The following MIGA2 variants were observed in gnomAD, a reference collection of about 807,000 sequenced individuals.
The protein encoded by MIGA2 is family with sequence similarity 73, member B.
Under a neutral mutation model 69.9 loss-of-function variants are expected in MIGA2, and 36 were observed. The ratio of observed to expected loss-of-function variants is 0.52; its 90% CI spans 0.39 to 0.68. The LOEUF (loss-of-function observed/expected upper bound fraction) is 0.68, where lower values mean the gene tolerates loss of function less well. Ranked by LOEUF, MIGA2 falls within the 30% of genes least tolerant of loss-of-function variation. The pLI is 0.00. For missense variants in MIGA2, 660 were observed against 787.7 expected (o/e 0.84, Z 1.94); for synonymous variants, 333 against 349.2 (o/e 0.95, Z 0.52).
chr9:129,043,683 G>A (rs1370853754), intron 3 of MIGA2, among the ~76,000 whole-genome samples: 3 of 151,682 alleles, frequency 2.0e-5, no homozygotes, highest in African/African-American at 2.4e-5. Context: ...CACCGCACCC[G>A]GCCCCGGCCA....
At chr9:129,067,652 C>T (rs1564620705) in intron 11 of MIGA2, 121 bp from the exon 12 acceptor site, 1 of 838,774 alleles carries the variant, frequency 1.2e-6, no homozygotes, top group Non-Finnish European at 1.9e-6. Context: ...GCCACGTTTT[C>T]TCTGTGCCTG....
chr9:129,063,158 C>G, intron 9 of MIGA2, 86 bp from the exon 10 acceptor site: 1 of 1,403,488 alleles, frequency 7.1e-7, no homozygotes, highest in South Asian at 1.2e-5. Flanking sequence ...CAGAGCCTCC[C>G]CCCTCCCCAC....
chr9:129,048,052 G>A (rs188901729), intron 3 of MIGA2, among the ~76,000 whole-genome samples: 237 of 152,280 alleles, frequency 1.6e-3, no homozygotes, highest in African/African-American at 5.4e-3. Flanking sequence ...TTTAAAAGTT[G>A]TCGTCTCACA....
rs750998216 is a variant in MIGA2, at chr9:129,068,131, C to T, written c.1270-67C>T. The T allele has an allele frequency of 2.5e-6, 4 of 1,609,826 alleles. No individual in the cohort carries two copies. The highest frequency in any genetic ancestry group is 3.3e-5 in the Admixed American group (2 of 59,956). On this transcript the variant is annotated intron_variant, in intron 12 of 15. Coordinates refer to ENST00000684074, the MANE Select transcript of MIGA2 (RefSeq NM_001329990.2). The surrounding 1 kb of genome is among the most constrained non-coding windows in gnomAD (Gnocchi z 4.1). ...TGGACCCCAGCTTCAGTCTCCCCAT[C>T]TGGAAAGTGGCCCCGAGGCTCCGGC...
chr9:129,060,356 C>G lies in MIGA2; in HGVS notation c.794-194C>G. 3.7e-6 allele frequency: 2 copies of G among 534,118 alleles called. No homozygotes were observed. The highest frequency in any genetic ancestry group is 6.6e-5 in the East Asian group (2 of 30,470). The allele number at this position is 534,118 out of a possible 1,614,324, so 33.1% of individuals were successfully genotyped here. Reference sequence around the variant, plus strand: ...GGATGTCGTGGGTGTTGAAGGAGGTCACTCACTGAGGCGAGGAGTCCAGCG... The same window carrying G: ...GGATGTCGTGGGTGTTGAAGGAGGTGACTCACTGAGGCGAGGAGTCCAGCG... On this transcript the variant is annotated intron_variant, in intron 7 of 15. Transcript: ENST00000684074. The surrounding 1 kb of genome is among the most constrained non-coding windows in gnomAD (Gnocchi z 4.8).
At chr9:129,039,527 A>G (rs982764559) in intron 1 of MIGA2, among the ~76,000 whole-genome samples, 11 of 151,030 alleles carry the variant, frequency 7.3e-5, no homozygotes, top group Middle Eastern at 3.6e-3. Context: ...TTATAGGCGT[A>G]AGCCACTGTG....
At chr9:129,049,547 A>G in intron 5 of MIGA2, 49 bp downstream of exon 5, 1 of 1,571,602 alleles carries the variant, frequency 6.4e-7, no homozygotes. Flanking sequence ...GGTGGCAGGA[A>G]CAGTCCCTTC....
chr9:129,049,796 G>A, intron 5 of MIGA2, 31 bp from the exon 6 acceptor site: 2 of 1,613,400 alleles, frequency 1.2e-6, no homozygotes, highest in Non-Finnish European at 1.7e-6. Context: ...TGGAGGTGCT[G>A]ACCCACGCTT....
In MIGA2 at chr9:129,037,675, C is replaced by T. The variant is rs1195918043; in HGVS notation, c.-144+994C>T. Reference sequence around the variant, plus strand: ...CAGCAGGGGCTGCTCTGGACTCTCCCGCAAACAGTGGGCCTCAGTCACCCC... The same window carrying T: ...CAGCAGGGGCTGCTCTGGACTCTCCTGCAAACAGTGGGCCTCAGTCACCCC... On this transcript the variant is annotated intron_variant, in intron 1 of 15. Coordinates refer to ENST00000684074, the MANE Select transcript of MIGA2 (RefSeq NM_001329990.2). Among the ~76,000 whole-genome samples, 7 of 152,154 alleles carry T rather than the reference C, an allele frequency of 4.6e-5. No individual in the cohort carries two copies. The East Asian group carries it at 1.3e-3, about 29-fold the overall frequency.
Position 129,061,038 on chromosome 9 carries a change from G to A in MIGA2, c.895-193G>A, listed in dbSNP as rs1846041297. ...TTTGGGAGGGACCCCTGGAGATGGG[G>A]ATGCTGAGGGCCAGAACTGGGCTCG... On this transcript the variant is annotated intron_variant, in intron 8 of 15. Coordinates refer to ENST00000684074, the MANE Select transcript of MIGA2 (RefSeq NM_001329990.2). This position sits in a 1 kb window ranked among gnomAD's most constrained non-coding sequence, Gnocchi z 5.0. Among the ~76,000 whole-genome samples the A allele has an allele frequency of 2.6e-5, 4 of 152,228 alleles. No individual in the cohort carries two copies. The highest frequency in any genetic ancestry group is 2.6e-4 in the Admixed American group (4 of 15,292).
chr9:129,060,586 T>C lies in MIGA2; in HGVS notation c.830T>C (p.Leu277Pro). 6 of 1,606,386 alleles carry C rather than the reference T, an allele frequency of 3.7e-6. No individual in the cohort carries two copies. Among genetic ancestry groups the C allele is most frequent in the Non-Finnish European group, 5.1e-6 (6 of 1,176,520 alleles). ...TLMLPLTEGS[L>P]RLRADDEDSL... ...ATGCTGCCCCTGACCGAGGGCTCGC[T>C]GCGGCTGCGGGCGGACGATGAGGAC... Residue 277 changes from leucine (L) to proline (P), a missense_variant, in exon 8 of 16, where the codon CTG becomes CCG. Leu to Pro is a moderately conservative substitution (Grantham distance 98, BLOSUM62 -3). Coordinates refer to ENST00000684074, the MANE Select transcript of MIGA2 (RefSeq NM_001329990.2). This position sits in a 1 kb window ranked among gnomAD's most constrained non-coding sequence, Gnocchi z 4.8.
rs1846633828 is a variant in MIGA2 at position 129,070,686 on chromosome 9, T to C, written c.*233T>C. The C allele has an allele frequency of 1.8e-6, 1 of 544,826 alleles. No individual in the cohort carries two copies. Among genetic ancestry groups the C allele is most frequent in the Admixed American group, 3.2e-5 (1 of 31,342 alleles). 33.7% of individuals were successfully genotyped at this position (544,826 alleles called of 1,614,324 possible). ...AGAGAAAGGCTGTGAGAGAGGGGGT[T>C]GTTGTGGAGAATTGGGACAGGCAGA... On this transcript the variant is annotated 3_prime_UTR_variant, in exon 16 of 16. Transcript: ENST00000684074.
intron 3 of MIGA2, among the ~76,000 whole-genome samples, chr9:129,043,625 G>C (rs1298122345): frequency 1.3e-5 from 2 of 151,596 alleles, no homozygotes; most frequent in Non-Finnish European, 2.9e-5. Flanking sequence ...GAGCTCAAGT[G>C]ATCCGCCCAC....
At chr9:129,043,384 CTT>C (rs60096838) in intron 3 of MIGA2, among the ~76,000 whole-genome samples, 163 of 128,300 alleles carry the variant, frequency 1.3e-3, no homozygotes, top group Non-Finnish European at 1.6e-3. Flanking sequence ...TCTGTTCTCT[CTT>C]TTTTTTTTTT....
chr9:129,048,249 G>C (rs1845334982), intron 3 of MIGA2, among the ~76,000 whole-genome samples, 178 bp from the exon 4 acceptor site: 1 of 152,230 alleles, frequency 6.6e-6, no homozygotes, highest in Non-Finnish European at 1.5e-5. Context: ...GCAGGACATG[G>C]AGGGCCCCGC....
chr9:129,042,085 G>T (rs183619702), intron 2 of MIGA2: 1 of 579,732 alleles, frequency 1.7e-6, no homozygotes, highest in East Asian at 3.0e-5. Context: ...TCACCTTCTC[G>T]GCACTGGCAT....
intron 4 of MIGA2, 134 bp downstream of exon 4, chr9:129,048,673 C>G (rs1845363225): frequency 1.5e-6 from 1 of 689,608 alleles, no homozygotes. Context: ...CCCACGCGGG[C>G]TTTCAGGGAT....
In MIGA2 at chr9:129,070,514, T is replaced by C; in HGVS notation, c.*61T>C. ...TCCTCCTCCCTTCCCTGGGTTGGTA[T>C]CTGACAGCTGTGGTGGCTGAGGGCC... On this transcript the variant is annotated 3_prime_UTR_variant, in exon 16 of 16. Transcript: ENST00000684074. The C allele has an allele frequency of 6.9e-7, 1 of 1,448,436 alleles. No individual in the cohort carries two copies. The highest frequency in any genetic ancestry group is 9.1e-7 in the Non-Finnish European group (1 of 1,098,316). The allele number at this position is 1,448,436 out of a possible 1,614,324, so 89.7% of individuals were successfully genotyped here. A position where few individuals can be genotyped will look rare whatever the true frequency, so the allele number is the denominator to read the frequency against.
chr9:129,066,496 A>C (rs1264463060), intron 11 of MIGA2, among the ~76,000 whole-genome samples: 1 of 151,602 alleles, frequency 6.6e-6, no homozygotes, highest in Non-Finnish European at 1.5e-5. Flanking sequence ...AGCACAGTGA[A>C]ACCCCGTCTC....
Sources: allele counts gnomAD v4.1 joint callset (sites outside exome capture counted in the v4.1 genomes callset), GRCh38; gene constraint gnomAD v4.1.1; non-coding constraint Gnocchi (gnomAD v3.1); transcripts MANE v1.5; gene names NCBI Gene and HGNC (gene_info 2026-07-23, HGNC 2026-07-21).